GHR: variants seen among roughly 807,000 people sequenced by gnomAD.
GHR encodes the protein GH receptor.
Under a neutral mutation model 67.1 loss-of-function variants are expected in GHR, and 35 were observed. The ratio of observed to expected loss-of-function variants is 0.52; its 90% CI spans 0.40 to 0.69. GHR has a LOEUF of 0.69. GHR is among the 30% of genes least tolerant of loss of function. The pLI, the probability that GHR is intolerant of heterozygous loss-of-function variation, is 0.00. For missense variants in GHR, 792 were observed against 764.6 expected, an observed-to-expected ratio of 1.04 and a Z score of -0.42; for synonymous variants, 272 against 269.1, an observed-to-expected ratio of 1.01 and a Z score of -0.10.
At chr5:42,650,976 G>A (rs192130607) in intron 3 of GHR, among the ~76,000 whole-genome samples, 14 of 152,258 alleles carry the variant, frequency 9.2e-5, no homozygotes, top group Admixed American at 9.2e-4. Context: ...AATCTATGAG[G>A]ACTTTGCTAG....
intron 1 of GHR, among the ~76,000 whole-genome samples, chr5:42,426,496 T>A (rs1742858937): frequency 6.6e-6 from 1 of 152,244 alleles, no homozygotes; most frequent in East Asian, 1.9e-4. Context: ...GAATTTGGTT[T>A]GCTTTTAAAG....
chr5:42,600,529 C>A (rs1752321677), intron 2 of GHR, among the ~76,000 whole-genome samples: 1 of 152,194 alleles, frequency 6.6e-6, no homozygotes, highest in African/African-American at 2.4e-5. Context: ...TGAGGCAATC[C>A]CTCAAAGGAG....
Position 42,423,856 on chromosome 5 carries a change from G to A in GHR, c.-111G>A, listed in dbSNP as rs889911198. The A allele has an allele frequency of 6.3e-6, 1 of 159,136 alleles. No individual in the cohort carries two copies. The highest frequency in any genetic ancestry group is 2.4e-5 in the African/African-American group (1 of 41,482). The allele number at this position is 159,136 out of a possible 1,614,324, so 9.9% of individuals were successfully genotyped here. A position where few individuals can be genotyped will look rare whatever the true frequency, so the allele number is the denominator to read the frequency against. Reference sequence around the variant, plus strand: ...GCTGCTGCTGAGCCCGGGCGGCGGCGGGGACCCCGGGCTGGGGCCACGCGG... The same window carrying A: ...GCTGCTGCTGAGCCCGGGCGGCGGCAGGGACCCCGGGCTGGGGCCACGCGG... On this transcript the variant is annotated 5_prime_UTR_variant, in exon 1 of 10. Coordinates refer to ENST00000230882, the MANE Select transcript of GHR (RefSeq NM_000163.5).
intron 3 of GHR, among the ~76,000 whole-genome samples, chr5:42,653,669 G>A (rs1218534574): frequency 1.3e-5 from 2 of 152,106 alleles, no homozygotes; most frequent in South Asian, 2.1e-4. Context: ...GGTTGATATA[G>A]GAAGTGGCAT....
intron 1 of GHR, among the ~76,000 whole-genome samples, chr5:42,555,031 A>T (rs1042909844): frequency 3.3e-5 from 5 of 152,172 alleles, no homozygotes; most frequent in Non-Finnish European, 7.3e-5. Flanking sequence ...TGAAGAGTGA[A>T]GGGGTACACT....
chr5:42,512,591 C>T (rs1353064853), intron 1 of GHR, among the ~76,000 whole-genome samples: 1 of 152,112 alleles, frequency 6.6e-6, no homozygotes, highest in African/African-American at 2.4e-5. Flanking sequence ...AGATAAGTGC[C>T]TGACATATAT....
At chr5:42,462,826 A>G (rs893841886) in intron 1 of GHR, among the ~76,000 whole-genome samples, 2 of 152,156 alleles carry the variant, frequency 1.3e-5, no homozygotes, top group African/African-American at 4.8e-5. Context: ...ATAGCTATGC[A>G]TTAAAATGCA....
intron 3 of GHR, among the ~76,000 whole-genome samples, chr5:42,664,582 C>T (rs970318622): frequency 6.6e-6 from 1 of 152,128 alleles, no homozygotes; most frequent in African/African-American, 2.4e-5. Context: ...ACACCTTATA[C>T]AAAAATTAAT....
chr5:42,614,146 G>T (rs549347288), intron 2 of GHR, among the ~76,000 whole-genome samples: 1 of 152,068 alleles, frequency 6.6e-6, no homozygotes, highest in Non-Finnish European at 1.5e-5. Context: ...ACCATGCTTT[G>T]TTCCCTCCAG....
chr5:42,552,168 C>T (rs1749069260), intron 1 of GHR, among the ~76,000 whole-genome samples: 1 of 152,224 alleles, frequency 6.6e-6, no homozygotes, highest in Non-Finnish European at 1.5e-5. Context: ...GTGGTGGTCC[C>T]GTAGGACAGT....
intron 1 of GHR, among the ~76,000 whole-genome samples, chr5:42,481,356 A>G (rs533102182): frequency 1.3e-5 from 2 of 152,248 alleles, no homozygotes; most frequent in African/African-American, 2.4e-5. Context: ...GAATCTGCCA[A>G]TTATGTGTCT....
Position 42,711,208 on chromosome 5 carries a change from TG to T in GHR, c.622del (p.Asp208ThrfsTer4). 1 of 1,612,138 alleles carries T rather than the reference TG, an allele frequency of 6.2e-7. No individual in the cohort carries two copies. On this transcript the variant is annotated frameshift_variant and splice_region_variant, in exon 7 of 10. Coordinates refer to ENST00000230882, the MANE Select transcript of GHR (RefSeq NM_000163.5). LOFTEE classifies it high-confidence loss of function. ...TGCGTTTATATTTTGTCTTGAAAGA[TG>T]GACCCTATATTGACAACATCAGTTC... ...KEVNETKWKM[M>X]DPILTTSVPV...
In GHR at chr5:42,446,329, A is replaced by C. The variant is rs531180320; in HGVS notation, c.-12+22374A>C. Among the ~76,000 whole-genome samples the C allele has an allele frequency of 4.6e-5, 7 of 152,312 alleles. No homozygotes were observed. In the South Asian group the frequency reaches 1.5e-3, roughly 32 times the overall value. ...GTAAGAGGCCAACAGGCAGAGAAAAAATGAAAAAATGCTATTAAACAGTAT... is the reference window on the plus strand; with the variant it reads ...GTAAGAGGCCAACAGGCAGAGAAAACATGAAAAAATGCTATTAAACAGTAT... On this transcript the variant is annotated intron_variant, in intron 1 of 9. Transcript: ENST00000230882.
intron 1 of GHR, chr5:42,468,437 A>G: frequency 6.3e-6 from 6 of 950,676 alleles, no homozygotes; most frequent in Non-Finnish European, 9.5e-6. Context: ...CAGGGCCAAG[A>G]TGAGTATTGC....
chr5:42,717,842 T>C (rs1758793711), intron 8 of GHR, among the ~76,000 whole-genome samples: 1 of 150,696 alleles, frequency 6.6e-6, no homozygotes, highest in Non-Finnish European at 1.5e-5. Context: ...GCTTTTTGGG[T>C]TTTTTAGTTG....
At chr5:42,687,013 A>T (rs944153643) in intron 3 of GHR, among the ~76,000 whole-genome samples, 2 of 152,208 alleles carry the variant, frequency 1.3e-5, no homozygotes, top group African/African-American at 4.8e-5. Context: ...CAAAAATCAC[A>T]AGCATTCCTA....
chr5:42,615,429 C>T (rs1753094883), intron 2 of GHR, among the ~76,000 whole-genome samples: 1 of 152,042 alleles, frequency 6.6e-6, no homozygotes, highest in Non-Finnish European at 1.5e-5. Context: ...AACTTCTAAG[C>T]TCAGGAATCA....
chr5:42,713,296 G>T, intron 7 of GHR, 133 bp from the exon 8 acceptor site: 1 of 647,700 alleles, frequency 1.5e-6, no homozygotes. Context: ...CTGTTTCAGT[G>T]GTTATCAAGA....
intron 3 of GHR, among the ~76,000 whole-genome samples, chr5:42,681,662 C>T (rs1346317291): frequency 2.0e-5 from 3 of 151,916 alleles, no homozygotes; most frequent in African/African-American, 2.4e-5. Context: ...TGCGGCCGGG[C>T]GTGGTGGCTC....
Sources: allele counts gnomAD v4.1 joint callset (sites outside exome capture counted in the v4.1 genomes callset), GRCh38; gene constraint gnomAD v4.1.1; transcripts MANE v1.5; gene names NCBI Gene and HGNC (gene_info 2026-07-23, HGNC 2026-07-21).